MTOR: variants seen among roughly 807,000 people sequenced by gnomAD.
MTOR encodes the protein mechanistic target of rapamycin kinase.
In MTOR, 70 loss-of-function variants were observed where a neutral mutation model predicts 319.8. The ratio of observed to expected loss-of-function variants is 0.22; its 90% CI spans 0.18 to 0.27. The LOEUF (loss-of-function observed/expected upper bound fraction) is 0.27, where lower values mean the gene tolerates loss of function less well. Ranked by LOEUF, MTOR falls within the 10% of genes least tolerant of loss-of-function variation. The probability of loss-of-function intolerance (pLI) is 1.00; values close to 1 mark genes in which losing one functional copy is unlikely to be tolerated. For synonymous variants in MTOR, 1,183 were observed against 1,211.4 expected (o/e 0.98, Z 0.49); for missense variants, 1,890 against 3,274.4 (o/e 0.58, Z 10.32).
At chr1:11,112,794 T>G in intron 54 of MTOR, 58 bp downstream of exon 54, 1 of 1,584,972 alleles carries the variant, frequency 6.3e-7, no homozygotes, top group Non-Finnish European at 8.7e-7. Context: ...CCCACCCCAC[T>G]CTACAAACAC....
At chr1:11,228,966 G>A (rs1399076696) in intron 18 of MTOR, 48 bp from the exon 19 acceptor site, 1 of 1,601,386 alleles carries the variant, frequency 6.2e-7, no homozygotes, top group African/African-American at 1.3e-5. Flanking sequence ...GGCATGACGT[G>A]ACTTCAGGCA....
rs59128487 is a variant in MTOR at position 11,232,575 on chromosome 1, A to G, written c.2422-47T>C. The stretch of plus-strand genomic sequence containing the variant: ...GGCAGAAAGGGTTAGAAATTCTGGC[A>G]TTAGAAAGTATTTTGGAGGCCGGGC... On this transcript the variant is annotated intron_variant, in intron 15 of 57. Transcript: ENST00000361445. 3.5e-3 allele frequency: 5,436 copies of G among 1,546,922 alleles called. 164 individuals carry two copies. In the African/African-American group the frequency reaches 0.064, roughly 18 times the overall value.
rs1047703186 is a variant in MTOR, at chr1:11,262,514, C to T, written c.-84G>A. On this transcript the variant is annotated 5_prime_UTR_variant, in exon 1 of 58. Transcript: ENST00000361445. ...TACCGCCGCTTCAGGCCCCCTGCCC[C>T]ACCGCCCGCCTTCCCCGCTGTCCTC... The T allele has an allele frequency of 1.3e-5, 2 of 152,738 alleles. No homozygotes were observed. The highest frequency in any genetic ancestry group is 2.9e-5 in the Non-Finnish European group (2 of 68,448). The allele number at this position is 152,738 out of a possible 1,614,324, so 9.5% of individuals were successfully genotyped here. A position where few individuals can be genotyped will look rare whatever the true frequency, so the allele number is the denominator to read the frequency against.
intron 8 of MTOR, among the ~76,000 whole-genome samples, chr1:11,245,246 A>T (rs942244454): frequency 6.6e-6 from 1 of 152,144 alleles, no homozygotes; most frequent in African/African-American, 2.4e-5. Context: ...GAATTTCCTG[A>T]TTCTTGCTTC....
intron 49 of MTOR, among the ~76,000 whole-genome samples, chr1:11,119,251 T>C (rs1469277560): frequency 1.3e-5 from 2 of 150,982 alleles, no homozygotes; most frequent in Non-Finnish European, 3.0e-5. Flanking sequence ...GCCAACACAG[T>C]GAAACCCTGT....
At chr1:11,152,138 A>G (rs1188951985) in intron 30 of MTOR, among the ~76,000 whole-genome samples, 1 of 152,210 alleles carries the variant, frequency 6.6e-6, no homozygotes, top group Non-Finnish European at 1.5e-5. Context: ...TTTGTTACAA[A>G]AAATAATGCA....
At chr1:11,175,215 A>C (rs1251358664) in intron 28 of MTOR, among the ~76,000 whole-genome samples, 1 of 152,248 alleles carries the variant, frequency 6.6e-6, no homozygotes, top group African/African-American at 2.4e-5. Context: ...CTATCCGCAT[A>C]ATAGAATCCA....
chr1:11,257,560 C>G (rs1229732638), intron 3 of MTOR, among the ~76,000 whole-genome samples: 1 of 70,580 alleles, frequency 1.4e-5, no homozygotes, highest in Non-Finnish European at 2.7e-5. Flanking sequence ...GAGACTCTGT[C>G]TCAGAGAAAA....
intron 28 of MTOR, among the ~76,000 whole-genome samples, chr1:11,180,575 G>A (rs1220235227): frequency 1.3e-5 from 2 of 152,186 alleles, no homozygotes; most frequent in African/African-American, 4.8e-5. Context: ...CTAACCCAAA[G>A]AGAAGCTCTG....
At chr1:11,205,003 C>A (rs967939170) in intron 25 of MTOR, among the ~76,000 whole-genome samples, 1 of 152,100 alleles carries the variant, frequency 6.6e-6, no homozygotes, top group Admixed American at 6.5e-5. Context: ...TTCGACAAAG[C>A]CTAATGGGCT....
chr1:11,210,953 G>A, intron 23 of MTOR, 47 bp from the exon 24 acceptor site: 1 of 1,217,758 alleles, frequency 8.2e-7, no homozygotes, highest in Non-Finnish European at 1.2e-6. Context: ...TTTGGAGAGT[G>A]GAGAAAAAGT....
intron 8 of MTOR, among the ~76,000 whole-genome samples, chr1:11,246,488 T>C (rs963369376): frequency 6.6e-6 from 1 of 152,338 alleles, no homozygotes; most frequent in Non-Finnish European, 1.5e-5. Flanking sequence ...TTCTGTTATT[T>C]CTCTCTGGTT....
At chr1:11,122,886 G>A (rs1642618095) in intron 47 of MTOR, among the ~76,000 whole-genome samples, 1 of 152,178 alleles carries the variant, frequency 6.6e-6, no homozygotes, top group African/African-American at 2.4e-5. Context: ...TGAAGAATAA[G>A]GCATCACAGA....
chr1:11,230,898 A>C lies in MTOR; in HGVS notation c.2779+27T>G, dbSNP rs1431252917. 3 of 1,612,972 alleles carry C rather than the reference A, an allele frequency of 1.9e-6. No individual in the cohort carries two copies. The Admixed American group carries it at 5.0e-5, about 27-fold the overall frequency. On this transcript the variant is annotated intron_variant, in intron 18 of 57. Coordinates refer to ENST00000361445, the MANE Select transcript of MTOR (RefSeq NM_004958.4). ...GGGCTCTGTGAGTGAGAACTTGGCA[A>C]GTCTTTCATGGCTACCCCCAACTTA... is the stretch of plus-strand genomic sequence containing the variant.
In MTOR at chr1:11,109,379, C is replaced by T. The variant is rs1182560129; in HGVS notation, c.7448-9G>A. ...CACCAAACCGTCTCCAACTGGAATA[C>T]ACAAAAGTAGAAATAACTGTAAGAA... On this transcript the variant is annotated splice_polypyrimidine_tract_variant and intron_variant, in intron 55 of 57. Coordinates refer to ENST00000361445, the MANE Select transcript of MTOR (RefSeq NM_004958.4). The surrounding 1 kb of genome is among the most constrained non-coding windows in gnomAD (Gnocchi z 4.0). 6.2e-7 allele frequency: 1 copy of T among 1,612,830 alleles called. No homozygotes were observed. Among genetic ancestry groups the T allele is most frequent in the Admixed American group, 1.7e-5 (1 of 59,846 alleles).
chr1:11,189,602 C>T, intron 28 of MTOR: 1 of 1,611,772 alleles, frequency 6.2e-7, no homozygotes, highest in East Asian at 2.2e-5. Flanking sequence ...CCTCTCTCAG[C>T]TGTGACCTGG....
Position 11,128,785 on chromosome 1 carries a change from C to T in MTOR, c.5811+70G>A. The T allele has an allele frequency of 7.5e-7, 1 of 1,334,416 alleles. No individual in the cohort carries two copies. The highest frequency in any genetic ancestry group is 1.1e-6 in the Non-Finnish European group (1 of 935,834). The allele number at this position is 1,334,416 out of a possible 1,614,324, so 82.7% of individuals were successfully genotyped here. On this transcript the variant is annotated intron_variant, in intron 41 of 57. Transcript: ENST00000361445. This position sits in a 1 kb window ranked among gnomAD's most constrained non-coding sequence, Gnocchi z 5.3. Reference sequence around the variant, plus strand: ...CACTGCCTTGTGACACTGAACACAGCATGCTTGTAAGAGGAGACACACAGA... The same window carrying T: ...CACTGCCTTGTGACACTGAACACAGTATGCTTGTAAGAGGAGACACACAGA...
chr1:11,154,384 A>G (rs1230741958), intron 30 of MTOR, among the ~76,000 whole-genome samples: 1 of 151,702 alleles, frequency 6.6e-6, no homozygotes, highest in Non-Finnish European at 1.5e-5. Context: ...GAGCCACCAC[A>G]CTCAGCCTTT....
intron 28 of MTOR, among the ~76,000 whole-genome samples, chr1:11,171,988 C>A (rs1209007606): frequency 6.6e-6 from 1 of 151,124 alleles, no homozygotes. Context: ...CAAGATTGTG[C>A]CACTGCACTC....
Sources: allele counts gnomAD v4.1 joint callset (sites outside exome capture counted in the v4.1 genomes callset), GRCh38; gene constraint gnomAD v4.1.1; non-coding constraint Gnocchi (gnomAD v3.1); transcripts MANE v1.5; gene names NCBI Gene and HGNC (gene_info 2026-07-23, HGNC 2026-07-21).